Variants in ZNF704 observed in about 807,000 individuals in gnomAD.
The protein encoded by ZNF704 is glucocorticoid induced gene 1.
ZNF704 carries 10 observed loss-of-function variants against 44.7 expected under a neutral mutation model. The observed-to-expected ratio is 0.22, with a 90% CI of 0.14 to 0.38. The LOEUF (loss-of-function observed/expected upper bound fraction) is 0.38, where lower values mean the gene tolerates loss of function less well. Ranked by LOEUF, ZNF704 falls within the 10% of genes least tolerant of loss-of-function variation. ZNF704 has a pLI of 1.00. For synonymous variants in ZNF704, 211 were observed against 207.6 expected, an observed-to-expected ratio of 1.02 and a Z score of -0.14; for missense variants, 390 against 545.5, an observed-to-expected ratio of 0.71 and a Z score of 2.84.
chr8:80,823,796 A>G (rs984708877), intron 1 of ZNF704, among the ~76,000 whole-genome samples: 3 of 152,206 alleles, frequency 2.0e-5, no homozygotes, highest in African/African-American at 7.2e-5. Context: ...CGCTGGTGAT[A>G]CCCAGGCAAA....
intron 2 of ZNF704, among the ~76,000 whole-genome samples, chr8:80,719,382 G>T (rs1025025077): frequency 1.3e-5 from 2 of 152,210 alleles, no homozygotes; most frequent in Non-Finnish European, 2.9e-5. Context: ...TGGGCTTCAT[G>T]TGGTGGTACC....
intron 7 of ZNF704, among the ~76,000 whole-genome samples, chr8:80,658,217 C>T (rs1010041827): frequency 3.3e-5 from 5 of 152,230 alleles, no homozygotes; most frequent in Non-Finnish European, 7.4e-5. Flanking sequence ...ATGGTGTATG[C>T]TTCCCATACA....
intron 2 of ZNF704, among the ~76,000 whole-genome samples, chr8:80,703,736 A>G (rs921727148): frequency 1.3e-4 from 20 of 152,146 alleles, no homozygotes; most frequent in Non-Finnish European, 2.2e-4. Context: ...CAGCCTCCCA[A>G]AGTGCTGGGA....
chr8:80,683,726 G>GT (rs1160936082), intron 4 of ZNF704, among the ~76,000 whole-genome samples: 1 of 152,208 alleles, frequency 6.6e-6, no homozygotes, highest in Admixed American at 6.5e-5. Flanking sequence ...TTGGTAAACT[G>GT]TAACTAAATA....
intron 1 of ZNF704, among the ~76,000 whole-genome samples, chr8:80,847,988 A>G (rs1366927310): frequency 6.6e-6 from 1 of 152,242 alleles, no homozygotes; most frequent in Non-Finnish European, 1.5e-5. Context: ...ATGAATGTTC[A>G]TCACAGCTTT....
intron 2 of ZNF704, among the ~76,000 whole-genome samples, chr8:80,787,819 G>T (rs190197833): frequency 6.6e-6 from 1 of 152,066 alleles, no homozygotes; most frequent in East Asian, 1.9e-4. Context: ...CCAGTATGTT[G>T]TAAGGAGAAA....
chr8:80,766,540 A>G (rs1807231462), intron 2 of ZNF704, among the ~76,000 whole-genome samples: 1 of 152,180 alleles, frequency 6.6e-6, no homozygotes, highest in Non-Finnish European at 1.5e-5. Context: ...AAGAGACTTT[A>G]GTTAATACAA....
chr8:80,774,095 T>C (rs1807370437), intron 2 of ZNF704, among the ~76,000 whole-genome samples: 1 of 151,840 alleles, frequency 6.6e-6, no homozygotes, highest in Admixed American at 6.6e-5. Flanking sequence ...TTGCGCCGAC[T>C]GCCAAGCTGG....
intron 1 of ZNF704, among the ~76,000 whole-genome samples, chr8:80,846,721 G>C (rs950160838): frequency 1.3e-5 from 2 of 152,114 alleles, no homozygotes; most frequent in Non-Finnish European, 2.9e-5. Context: ...CATCATTAGA[G>C]ACAAAGAATA....
At position 80,821,439 on chromosome 8, in the gene ZNF704, G is replaced by T. The variant is rs1243218888; in HGVS notation, c.156C>A (p.Arg52=). The change falls in exon 2 of 9, where the codon CGC becomes CGA. Residue 52 remains arginine (R), a synonymous_variant. Coordinates refer to ENST00000327835, the MANE Select transcript of ZNF704 (RefSeq NM_001033723.3). ...TTTTTTGCTCAAGGAGACAGATGGA[G>T]CGAGTGTTTTCTTTTTCATGGTCAA... ...RILDHEKENT[R]SICLLEQKRK... 1.9e-6 allele frequency: 3 copies of T among 1,614,164 alleles called. No homozygotes were observed. Among genetic ancestry groups the T allele is most frequent in the Non-Finnish European group, 2.5e-6 (3 of 1,180,020 alleles).
At chr8:80,731,701 G>A (rs1695405594) in intron 2 of ZNF704, among the ~76,000 whole-genome samples, 1 of 152,170 alleles carries the variant, frequency 6.6e-6, no homozygotes, top group African/African-American at 2.4e-5. Context: ...ATCCAAGGCT[G>A]TGGTGAGCTA....
chr8:80,664,585 A>G (rs955348844), intron 6 of ZNF704, among the ~76,000 whole-genome samples: 1 of 152,206 alleles, frequency 6.6e-6, no homozygotes, highest in African/African-American at 2.4e-5. Context: ...TTTTATCATC[A>G]TAACAATCTC....
intron 1 of ZNF704, among the ~76,000 whole-genome samples, chr8:80,839,015 C>G (rs1281222546): frequency 6.6e-6 from 1 of 152,222 alleles, no homozygotes; most frequent in Non-Finnish European, 1.5e-5. Flanking sequence ...AGAGTTCCGG[C>G]CCAGAGGCCT....
At chr8:80,782,219 T>C (rs1022989812) in intron 2 of ZNF704, among the ~76,000 whole-genome samples, 2 of 152,150 alleles carry the variant, frequency 1.3e-5, no homozygotes, top group South Asian at 4.1e-4. Context: ...CAGAAATCCA[T>C]GACAGAACCA....
chr8:80,781,000 C>A (rs1371433403), intron 2 of ZNF704, among the ~76,000 whole-genome samples: 9 of 152,222 alleles, frequency 5.9e-5, no homozygotes, highest in African/African-American at 1.2e-4. Context: ...ATAATTTATA[C>A]AGTCTGTAGC....
chr8:80,708,079 A>T (rs1818924580), intron 2 of ZNF704, among the ~76,000 whole-genome samples: 1 of 152,232 alleles, frequency 6.6e-6, no homozygotes, highest in African/African-American at 2.4e-5. Context: ...CAGTTCATAC[A>T]GCTCTTATTT....
In ZNF704 at chr8:80,629,896, T is replaced by C. The variant is rs1469826504; in HGVS notation, c.*11470A>G. 2.6e-5 allele frequency: 4 copies of C among 152,240 alleles called. No homozygotes were observed. Among genetic ancestry groups the C allele is most frequent in the Non-Finnish European group, 5.9e-5 (4 of 68,044 alleles). 9.4% of individuals were successfully genotyped at this position (152,240 alleles called of 1,614,324 possible). A position where few individuals can be genotyped will look rare whatever the true frequency, so the allele number is the denominator to read the frequency against. On this transcript the variant is annotated 3_prime_UTR_variant, in exon 9 of 9. Transcript: ENST00000327835. ...ACTAGAACATCCACCTTTAAAGAAC[T>C]GGGCACATTTTCTAACAGCCAACAT... is the stretch of plus-strand genomic sequence containing the variant.
intron 2 of ZNF704, among the ~76,000 whole-genome samples, chr8:80,809,504 TGA>T (rs1010889170): frequency 3.3e-5 from 5 of 152,164 alleles, no homozygotes; most frequent in African/African-American, 1.2e-4. Flanking sequence ...CTTGAAGAAG[TGA>T]GTGTTTGCCA....
intron 3 of ZNF704, 84 bp from the exon 4 acceptor site, chr8:80,687,542 C>T: frequency 9.0e-7 from 1 of 1,106,574 alleles, no homozygotes; most frequent in Non-Finnish European, 1.2e-6. Context: ...CTTGGTTCTA[C>T]ACCAGTGAAA....
Sources: allele counts gnomAD v4.1 joint callset (sites outside exome capture counted in the v4.1 genomes callset), GRCh38; gene constraint gnomAD v4.1.1; transcripts MANE v1.5; gene names NCBI Gene and HGNC (gene_info 2026-07-23, HGNC 2026-07-21).